Variants in FABP12 observed in about 807,000 individuals in gnomAD.
FABP12 encodes the protein fatty acid-binding protein 12.
A neutral mutation model predicts 13.7 loss-of-function variants in FABP12; 19 were observed. That is an observed-to-expected ratio of 1.39 (90% confidence interval 0.97 to 2.04). The LOEUF (loss-of-function observed/expected upper bound fraction) is 2.04, where lower values mean the gene tolerates loss of function less well. Ranked by LOEUF, FABP12 falls within the 30% of genes most tolerant of loss-of-function variation. The pLI, the probability that FABP12 is intolerant of heterozygous loss-of-function variation, is 0.00. For missense variants in FABP12, 182 were observed against 164.2 expected, an observed-to-expected ratio of 1.11 and a Z score of -0.59; for synonymous variants, 61 against 57.0, an observed-to-expected ratio of 1.07 and a Z score of -0.32.
At chr8:81,577,690 G>T (rs1310534678) in intron 1 of FABP12, among the ~76,000 whole-genome samples, 1 of 152,166 alleles carries the variant, frequency 6.6e-6, no homozygotes, top group East Asian at 1.9e-4. Context: ...GAACCCGGGA[G>T]GTGGAGGTTG....
chr8:81,585,492 TA>T (rs1210872073), intron 1 of FABP12, among the ~76,000 whole-genome samples: 1 of 152,188 alleles, frequency 6.6e-6, no homozygotes, highest in Non-Finnish European at 1.5e-5. Context: ...AGATTTATGT[TA>T]AAATTTGAAG....
rs1809002644 is a variant in FABP12, at chr8:81,529,481, C to CCCAG, written c.199_202dup (p.Gly68AlafsTer6). ...TGGCGTGATTTCCTCAAACTCTTCT[C>CCCAG]CCAGCTTAAAGGAGATCTCATTATT... On this transcript the variant is annotated frameshift_variant, in exon 3 of 5. Transcript: ENST00000360464. LOFTEE classifies it high-confidence loss of function. The CCCAG allele has an allele frequency of 1.2e-6, 2 of 1,613,950 alleles. No individual in the cohort carries two copies. The highest frequency in any genetic ancestry group is 1.7e-6 in the Non-Finnish European group (2 of 1,179,840).
chr8:81,583,112 A>C (rs867693792), intron 1 of FABP12, among the ~76,000 whole-genome samples: 4 of 152,330 alleles, frequency 2.6e-5, no homozygotes, highest in Middle Eastern at 3.4e-3. Context: ...CCACTGGGTC[A>C]AGGAAGAAGT....
chr8:81,574,801 T>A (rs767771404), intron 1 of FABP12, among the ~76,000 whole-genome samples: 2 of 152,130 alleles, frequency 1.3e-5, no homozygotes, highest in Non-Finnish European at 2.9e-5. Flanking sequence ...TAATACCTAC[T>A]GTTTTGTTTC....
rs561036775 is a variant in FABP12 at position 81,541,227 on chromosome 8, T to G, written c.-184-1484A>C. Among the ~76,000 whole-genome samples, 36 of 151,708 alleles carry G rather than the reference T, an allele frequency of 2.4e-4. No individual in the cohort carries two copies. The South Asian group carries it at 2.7e-3, about 11-fold the overall frequency. The stretch of plus-strand genomic sequence containing the variant: ...ACACACACAAAGCGTGTATCACAGA[T>G]ATGCAGTATCTGCATCACCTGGAAG... On this transcript the variant is annotated intron_variant, in intron 1 of 5. Coordinates refer to the FABP12 transcript ENST00000692030.
intron 3 of FABP12, among the ~76,000 whole-genome samples, chr8:81,528,551 ATAGTTT>A (rs1808970690): frequency 6.6e-6 from 1 of 152,178 alleles, no homozygotes; most frequent in Non-Finnish European, 1.5e-5. Context: ...TATCCTCCAT[ATAGTTT>A]AACAATCCTC....
At chr8:81,569,902 G>T (rs73692936) in intron 1 of FABP12, among the ~76,000 whole-genome samples, 6 of 152,158 alleles carry the variant, frequency 3.9e-5, no homozygotes, top group African/African-American at 1.4e-4. Context: ...TACTGGGCTC[G>T]TTCTGCCCGC....
intron 1 of FABP12, among the ~76,000 whole-genome samples, chr8:81,542,179 C>T (rs1481253295): frequency 6.6e-6 from 1 of 152,136 alleles, no homozygotes; most frequent in Non-Finnish European, 1.5e-5. Flanking sequence ...CCGGGAGCTA[C>T]TGGCCTTGAC....
At position 81,583,624 on chromosome 8, in the gene FABP12, C is replaced by G. The variant is rs549679040; in HGVS notation, c.-185+6429G>C. Among the ~76,000 whole-genome samples, 7 of 152,142 alleles carry G rather than the reference C, an allele frequency of 4.6e-5. No homozygotes were observed. In the East Asian group the frequency reaches 1.3e-3, roughly 29 times the overall value. On this transcript the variant is annotated intron_variant, in intron 1 of 5. Transcript: ENST00000692030. ...TGAATAAATTCCCGGACACATACAA[C>G]CTACCACGATTGAGTCAGGAAGAAA...
intron 1 of FABP12, among the ~76,000 whole-genome samples, chr8:81,570,885 A>T (rs939439322): frequency 6.6e-6 from 1 of 152,104 alleles, no homozygotes; most frequent in Non-Finnish European, 1.5e-5. Flanking sequence ...GCAGGACTGG[A>T]AGCCCAGCCC....
At chr8:81,555,258 T>C (rs1012135151) in intron 1 of FABP12, among the ~76,000 whole-genome samples, 4 of 152,222 alleles carry the variant, frequency 2.6e-5, no homozygotes, top group South Asian at 2.1e-4. Flanking sequence ...GACATTGTTC[T>C]AGGCACAGGA....
chr8:81,547,276 C>A (rs1026465777), intron 1 of FABP12, among the ~76,000 whole-genome samples: 1 of 152,208 alleles, frequency 6.6e-6, no homozygotes, highest in Non-Finnish European at 1.5e-5. Flanking sequence ...CACACATACA[C>A]ACCACAGACA....
At chr8:81,541,818 C>T (rs942010940) in intron 1 of FABP12, among the ~76,000 whole-genome samples, 2 of 141,986 alleles carry the variant, frequency 1.4e-5, no homozygotes, top group African/African-American at 5.4e-5. Context: ...CCGACCATGA[C>T]TTGGAAGTAT....
upstream of FABP12, among the ~76,000 whole-genome samples, chr8:81,538,846 T>A (rs374905837): frequency 2.6e-5 from 4 of 152,274 alleles, no homozygotes; most frequent in Non-Finnish European, 1.5e-5. Context: ...TTTTATTACT[T>A]TTTAATTTTT....
chr8:81,561,545 T>G (rs1213664604), intron 1 of FABP12, among the ~76,000 whole-genome samples: 1 of 152,180 alleles, frequency 6.6e-6, no homozygotes, highest in African/African-American at 2.4e-5. Flanking sequence ...GTATCTGGTT[T>G]TAACTTCATA....
At chr8:81,565,802 G>T (rs1424826424) in intron 1 of FABP12, among the ~76,000 whole-genome samples, 4 of 151,680 alleles carry the variant, frequency 2.6e-5, no homozygotes, top group African/African-American at 9.7e-5. Context: ...CTAAAATTAG[G>T]AGAAGAATTA....
chr8:81,579,018 C>T (rs970075785), intron 1 of FABP12, among the ~76,000 whole-genome samples: 5 of 148,448 alleles, frequency 3.4e-5, no homozygotes, highest in African/African-American at 1.2e-4. Flanking sequence ...TTAGTAGAGA[C>T]GGGGTTTCAC....
At chr8:81,527,098 C>T (rs780381787) in exon 4 of FABP12, 4 of 1,608,292 alleles carry the variant, frequency 2.5e-6, no homozygotes, top group East Asian at 2.2e-5. Context: ...GAATCAGGGA[C>T]TCCTTATCTA....
At chr8:81,586,217 C>T (rs943242127) in intron 1 of FABP12, among the ~76,000 whole-genome samples, 9 of 151,594 alleles carry the variant, frequency 5.9e-5, no homozygotes, top group Non-Finnish European at 1.0e-4. Context: ...TGTATATGTA[C>T]CACATTTTCT....
Sources: gnomAD v4.1 joint callset for allele counts (sites outside exome capture counted in the v4.1 genomes callset) on GRCh38, gnomAD v4.1.1 for gene constraint, MANE v1.5 for transcripts, NCBI Gene and HGNC (gene_info 2026-07-23, HGNC 2026-07-21) for gene names.